Variants in FOCAD observed in about 807,000 individuals in gnomAD.
FOCAD encodes focadhesin, also known as KIAA1797.
Under a neutral mutation model 225.6 loss-of-function variants are expected in FOCAD, and 198 were observed. That is an observed-to-expected ratio of 0.88 (90% CI 0.78 to 0.99). The LOEUF (loss-of-function observed/expected upper bound fraction) is 0.99, where lower values mean the gene tolerates loss of function less well. Among genes scored for constraint, FOCAD ranks in the 50% least tolerant of loss-of-function variants. The pLI is 0.00. For synonymous variants in FOCAD, 897 were observed against 755.0 expected, an observed-to-expected ratio of 1.19 and a Z score of -3.08; for missense variants, 2,713 against 2,123.6, an observed-to-expected ratio of 1.28 and a Z score of -5.46.
intron 15 of FOCAD, among the ~76,000 whole-genome samples, chr9:20,850,304 AT>A (rs1341669565): frequency 6.6e-6 from 1 of 151,674 alleles, no homozygotes; most frequent in African/African-American, 2.4e-5. Flanking sequence ...GTATTATTTT[AT>A]TTTTATTTTT....
chr9:20,971,888 G>A (rs1839797620), intron 35 of FOCAD, among the ~76,000 whole-genome samples: 1 of 151,942 alleles, frequency 6.6e-6, no homozygotes, highest in South Asian at 2.1e-4. Context: ...TAATGTAATG[G>A]CCTTAAGTTT....
intron 10 of FOCAD, among the ~76,000 whole-genome samples, chr9:20,783,338 A>G (rs1030547747): frequency 1.3e-5 from 2 of 152,076 alleles, no homozygotes; most frequent in African/African-American, 4.8e-5. Flanking sequence ...GAGTAGATAT[A>G]TGATCACTGT....
intron 5 of FOCAD, among the ~76,000 whole-genome samples, chr9:20,745,511 A>G (rs1223557726): frequency 6.6e-6 from 1 of 152,028 alleles, no homozygotes; most frequent in Non-Finnish European, 1.5e-5. Flanking sequence ...TTAGAGGCTC[A>G]TTTTCTTATT....
intron 28 of FOCAD, among the ~76,000 whole-genome samples, chr9:20,938,587 G>A (rs914528530): frequency 1.3e-5 from 2 of 151,968 alleles, no homozygotes; most frequent in African/African-American, 4.8e-5. Flanking sequence ...TGTGGGGTGG[G>A]GGGAGTGGGG....
intron 19 of FOCAD, among the ~76,000 whole-genome samples, chr9:20,876,108 C>G (rs1830201142): frequency 6.6e-6 from 1 of 152,138 alleles, no homozygotes; most frequent in Non-Finnish European, 1.5e-5. Flanking sequence ...TTCCCTGCCT[C>G]CTTTTATTAG....
intron 18 of FOCAD, among the ~76,000 whole-genome samples, chr9:20,867,645 G>A (rs1211197033): frequency 3.3e-5 from 5 of 151,970 alleles, no homozygotes; most frequent in Non-Finnish European, 7.4e-5. Flanking sequence ...CTTTAAATTA[G>A]TAGATCCTAT....
At chr9:20,919,779 A>G (rs1834218363) in intron 24 of FOCAD, among the ~76,000 whole-genome samples, 1 of 152,158 alleles carries the variant, frequency 6.6e-6, no homozygotes, top group African/African-American at 2.4e-5. Flanking sequence ...CTGAAACTGG[A>G]TCCCTTCCTT....
chr9:20,906,696 A>G (rs1268635601), intron 21 of FOCAD, among the ~76,000 whole-genome samples: 1 of 152,034 alleles, frequency 6.6e-6, no homozygotes, highest in Non-Finnish European at 1.5e-5. Context: ...ACACAACATG[A>G]TATTTCTGTT....
chr9:20,753,370 G>T (rs997707441), intron 5 of FOCAD, among the ~76,000 whole-genome samples: 1 of 151,804 alleles, frequency 6.6e-6, no homozygotes, highest in African/African-American at 2.4e-5. Context: ...TTAGCATGAA[G>T]GGTTGTTGAA....
intron 24 of FOCAD, among the ~76,000 whole-genome samples, chr9:20,917,958 A>G (rs965131716): frequency 2.0e-5 from 3 of 152,194 alleles, no homozygotes; most frequent in Non-Finnish European, 2.9e-5. Flanking sequence ...ACTCAGTCCT[A>G]TGGAAGGCAC....
At chr9:20,908,809 A>G (rs184172355) in intron 22 of FOCAD, among the ~76,000 whole-genome samples, 5 of 152,132 alleles carry the variant, frequency 3.3e-5, no homozygotes, top group Middle Eastern at 3.4e-3. Flanking sequence ...ATTTTTCCCT[A>G]AGCAATGTTG....
chr9:20,799,679 T>C (rs934317584), intron 11 of FOCAD, among the ~76,000 whole-genome samples: 1 of 152,146 alleles, frequency 6.6e-6, no homozygotes, highest in African/African-American at 2.4e-5. Flanking sequence ...CCCCTGCCTT[T>C]TTTTGTTTTC....
intron 2 of FOCAD, among the ~76,000 whole-genome samples, chr9:20,669,187 G>T (rs1233750881): frequency 1.3e-5 from 2 of 152,064 alleles, no homozygotes; most frequent in Non-Finnish European, 2.9e-5. Flanking sequence ...AAATTTAAGG[G>T]GGTGCTCATT....
Position 20,765,098 on chromosome 9 carries a change from A to G in FOCAD, c.699+25A>G, listed in dbSNP as rs7871811. ...GGTAAGGTCTTTGTCCTCCTCCACA[A>G]ATATAGGTCAGCATCAGTAAGTGTT... is the stretch of plus-strand genomic sequence containing the variant. On this transcript the variant is annotated intron_variant, in intron 7 of 43. Transcript: ENST00000338382. 991,715 of 1,590,686 alleles carry G rather than the reference A, an allele frequency of 0.62. 310,181 individuals carry two copies. The highest frequency in any genetic ancestry group is 0.75 in the Admixed American group (43,810 of 58,610).
intron 15 of FOCAD, among the ~76,000 whole-genome samples, chr9:20,829,044 G>A (rs1001920357): frequency 6.6e-6 from 1 of 152,048 alleles, no homozygotes. Context: ...TCATTGATGG[G>A]CATTTGGGAT....
chr9:20,806,077 A>C (rs1377724604), intron 11 of FOCAD, among the ~76,000 whole-genome samples: 2 of 152,190 alleles, frequency 1.3e-5, no homozygotes, highest in Non-Finnish European at 2.9e-5. Context: ...TTTAGCATTT[A>C]CAAGCACCTG....
intron 1 of FOCAD, among the ~76,000 whole-genome samples, chr9:20,688,546 T>A (rs185247968): frequency 1.9e-3 from 287 of 152,308 alleles, no homozygotes; most frequent in African/African-American, 6.2e-3. Context: ...GATTCTAGGC[T>A]GGAGATAGAG....
intron 5 of FOCAD, among the ~76,000 whole-genome samples, chr9:20,753,945 T>C (rs1828806528): frequency 6.6e-6 from 1 of 152,216 alleles, no homozygotes; most frequent in East Asian, 1.9e-4. Flanking sequence ...TTAGGCAACT[T>C]AGTATTCATA....
upstream of FOCAD, among the ~76,000 whole-genome samples, chr9:20,682,952 G>GT (rs1004487976): frequency 1.2e-4 from 18 of 151,778 alleles, no homozygotes; most frequent in Middle Eastern, 3.4e-3. Context: ...ATTTTTGTAT[G>GT]TTTTTTTTAG....
Sources: allele counts gnomAD v4.1 joint callset (sites outside exome capture counted in the v4.1 genomes callset), GRCh38; gene constraint gnomAD v4.1.1; transcripts MANE v1.5; gene names NCBI Gene and HGNC (gene_info 2026-07-23, HGNC 2026-07-21).